MIER1: variants seen among roughly 807,000 people sequenced by gnomAD.
The protein encoded by MIER1 is mesoderm induction early response protein 1.
A neutral mutation model predicts 75.7 loss-of-function variants in MIER1; 40 were observed. That is an observed-to-expected ratio of 0.53 (90% CI 0.41 to 0.69). MIER1 has a LOEUF of 0.69. MIER1 is among the 30% of genes least tolerant of loss of function. The pLI is 0.00. For synonymous variants in MIER1, 213 were observed against 223.4 expected, an observed-to-expected ratio of 0.95 and a Z score of 0.42; for missense variants, 574 against 680.2, an observed-to-expected ratio of 0.84 and a Z score of 1.74.
At chr1:66,959,845 A>G in intron 7 of MIER1, 102 bp downstream of exon 7, 2 of 477,398 alleles carry the variant, frequency 4.2e-6, no homozygotes, top group East Asian at 3.7e-5. Context: ...TATTGATAAA[A>G]TCGATGTAAG....
At chr1:66,925,287 G>A (rs1263665180) in intron 1 of MIER1, 192 bp downstream of exon 1, 16 of 984,406 alleles carry the variant, frequency 1.6e-5, no homozygotes, top group South Asian at 4.7e-5. Context: ...TGCCAAAGGC[G>A]CATGCGCAGC....
rs747382290 is a variant in MIER1, at chr1:66,973,102, T to C, written c.1101+111T>C. ...AGTGTTAAAGGTTTCATAATTAATA[T>C]GACAATATTTTGGTATTTAGTGAGT... On this transcript the variant is annotated intron_variant, in intron 11 of 13. Coordinates refer to ENST00000401041, the MANE Select transcript of MIER1 (RefSeq NM_001077700.3). The C allele has an allele frequency of 1.1e-5, 7 of 609,778 alleles. No individual in the cohort carries two copies. The Admixed American group carries it at 1.2e-4, about 11-fold the overall frequency. 37.8% of individuals were successfully genotyped at this position (609,778 alleles called of 1,614,324 possible).
intron 3 of MIER1, among the ~76,000 whole-genome samples, chr1:66,940,571 C>G (rs1424083219): frequency 6.6e-6 from 1 of 152,068 alleles, no homozygotes; most frequent in African/African-American, 2.4e-5. Context: ...GTTTTAGGTT[C>G]TGAGCACACA....
rs1667006833 is a variant in MIER1, at chr1:66,988,056, TAGG to T, written c.*3159_*3161del. 6.6e-6 allele frequency: 1 copy of T among 152,290 alleles called. No individual in the cohort carries two copies. Among genetic ancestry groups the T allele is most frequent in the Non-Finnish European group, 1.5e-5 (1 of 68,010 alleles). The allele number at this position is 152,290 out of a possible 1,614,324, so 9.4% of individuals were successfully genotyped here. On this transcript the variant is annotated 3_prime_UTR_variant, in exon 14 of 14. Transcript: ENST00000401041. ...ATTTTCTTTGCTATCGATGGATAAT[TAGG>T]AGTGGGCACTTGGAATAACTGAGGG...
At chr1:66,965,928 C>T (rs962350229) in intron 8 of MIER1, among the ~76,000 whole-genome samples, 5 of 152,114 alleles carry the variant, frequency 3.3e-5, no homozygotes, top group African/African-American at 1.2e-4. Context: ...CTTTTCCGTG[C>T]CTGACTTTTT....
chr1:66,944,019 GATA>G (rs1441146696), intron 3 of MIER1, among the ~76,000 whole-genome samples: 2 of 151,462 alleles, frequency 1.3e-5, no homozygotes, highest in African/African-American at 4.9e-5. Context: ...TAAATGGGAT[GATA>G]ATACCTACTT....
At chr1:66,944,413 A>G (rs1656986350) in intron 3 of MIER1, among the ~76,000 whole-genome samples, 2 of 150,816 alleles carry the variant, frequency 1.3e-5, no homozygotes, top group African/African-American at 2.4e-5. Flanking sequence ...GATATTTTAC[A>G]TAGTCTGTAA....
At chr1:66,946,847 T>G in intron 4 of MIER1, 1 of 985,112 alleles carries the variant, frequency 1.0e-6, no homozygotes, top group Non-Finnish European at 1.2e-6. Flanking sequence ...AGTTTAACAT[T>G]CCCTTCTTTT....
At chr1:66,943,970 T>A (rs1656862071) in intron 3 of MIER1, among the ~76,000 whole-genome samples, 1 of 143,980 alleles carries the variant, frequency 6.9e-6, no homozygotes, top group Non-Finnish European at 1.5e-5. Flanking sequence ...CTACTTGAAA[T>A]CTCTAAGCCT....
Position 66,959,990 on chromosome 1 carries a change from A to T in MIER1, c.699+247A>T, listed in dbSNP as rs577683293. On this transcript the variant is annotated intron_variant, in intron 7 of 13. Transcript: ENST00000401041. Reference sequence around the variant, plus strand: ...ATCCCAGCACTTGGGAGGCTGAGGCAGGCGGATCGCTTGAGCCCAGGAGTT... The same window carrying T: ...ATCCCAGCACTTGGGAGGCTGAGGCTGGCGGATCGCTTGAGCCCAGGAGTT... 322 of 227,356 alleles carry T rather than the reference A, an allele frequency of 1.4e-3. 1 individual carries two copies. Among genetic ancestry groups the T allele is most frequent in the African/African-American group, 6.9e-3 (306 of 44,484 alleles). The allele number at this position is 227,356 out of a possible 1,614,324, so 14.1% of individuals were successfully genotyped here. A position where few individuals can be genotyped will look rare whatever the true frequency, so the allele number is the denominator to read the frequency against.
At chr1:66,933,826 G>A (rs965825640) in intron 2 of MIER1, among the ~76,000 whole-genome samples, 5 of 152,306 alleles carry the variant, frequency 3.3e-5, no homozygotes, top group African/African-American at 9.6e-5. Flanking sequence ...GGAGAAACAA[G>A]TGAATTACTT....
At chr1:66,958,282 T>C (rs546610140) in intron 5 of MIER1, 62 bp downstream of exon 5, 23 of 1,162,840 alleles carry the variant, frequency 2.0e-5, no homozygotes, top group Non-Finnish European at 2.6e-5. Context: ...TAAAATTGCT[T>C]AATATATTTT....
At chr1:66,966,029 A>G (rs775583962) in intron 8 of MIER1, among the ~76,000 whole-genome samples, 1 of 152,048 alleles carries the variant, frequency 6.6e-6, no homozygotes, top group Non-Finnish European at 1.5e-5. Flanking sequence ...TCTATTGTGT[A>G]TAAGTACCAC....
chr1:66,978,191 A>G (rs914482508), intron 12 of MIER1, among the ~76,000 whole-genome samples: 5 of 142,542 alleles, frequency 3.5e-5, no homozygotes, highest in Admixed American at 7.0e-5. Context: ...GCGAAACTCC[A>G]TCTCCAAAAA....
rs556887165 is a variant in MIER1 at position 66,970,796 on chromosome 1, T to C, written c.773-12T>C. 27 of 1,528,942 alleles carry C rather than the reference T, an allele frequency of 1.8e-5. No homozygotes were observed. In the African/African-American group the frequency reaches 3.7e-4, roughly 21 times the overall value. The allele number at this position is 1,528,942 out of a possible 1,614,324, so 94.7% of individuals were successfully genotyped here. ...TTAGAAATTTGTTTAACATTGTCTT[T>C]TACTAATTTAGTATATGAAAATGAT... is the stretch of plus-strand genomic sequence containing the variant. On this transcript the variant is annotated splice_polypyrimidine_tract_variant and intron_variant, in intron 8 of 13. Transcript: ENST00000401041.
At chr1:66,963,472 C>A (rs577284844) in intron 8 of MIER1, among the ~76,000 whole-genome samples, 208 of 152,088 alleles carry the variant, frequency 1.4e-3, no homozygotes, top group Middle Eastern at 0.01. Context: ...AAACTTTAAC[C>A]CTTCTCTAAT....
intron 4 of MIER1, among the ~76,000 whole-genome samples, chr1:66,953,392 T>A (rs1659403332): frequency 6.6e-6 from 1 of 152,198 alleles, no homozygotes; most frequent in East Asian, 1.9e-4. Flanking sequence ...TGATTTTTAT[T>A]ATAGTTGTAG....
Position 66,987,111 on chromosome 1 carries a change from A to T in MIER1, c.*2211A>T, listed in dbSNP as rs1023310385. The T allele has an allele frequency of 3.3e-5, 5 of 152,696 alleles. No individual in the cohort carries two copies. Among genetic ancestry groups the T allele is most frequent in the African/African-American group, 1.2e-4 (5 of 41,474 alleles). The allele number at this position is 152,696 out of a possible 1,614,324, so 9.5% of individuals were successfully genotyped here. ...GGAAATGTTACTTTTGTTAATCTTT[A>T]AAAAATACACCTAATGAAAGACATT... On this transcript the variant is annotated 3_prime_UTR_variant, in exon 14 of 14. Transcript: ENST00000401041.
At chr1:66,981,087 T>TTAGA (rs58842463) in intron 12 of MIER1, among the ~76,000 whole-genome samples, 67,366 of 151,652 alleles carry the variant, frequency 0.44, 18,178 homozygotes, top group African/African-American at 0.77. Context: ...ACCATGTGTG[T>TTAGA]TAGACATATG....
Sources: gnomAD v4.1 joint callset for allele counts (sites outside exome capture counted in the v4.1 genomes callset) on GRCh38, gnomAD v4.1.1 for gene constraint, MANE v1.5 for transcripts, NCBI Gene and HGNC (gene_info 2026-07-23, HGNC 2026-07-21) for gene names.